The following GALNT13 variants were observed in gnomAD, a reference collection of about 807,000 sequenced individuals.
The protein encoded by GALNT13 is polypeptide N-acetylgalactosaminyltransferase 13, also known as UDP-GalNAc:polypeptide N-acetylgalactosaminyltransferase 13.
In GALNT13, 28 loss-of-function variants were observed where a neutral mutation model predicts 64.2. That is an observed-to-expected ratio of 0.44 (90% confidence interval 0.32 to 0.60). The LOEUF (loss-of-function observed/expected upper bound fraction) is 0.60. GALNT13 is among the 20% of genes least tolerant of loss of function. The probability of loss-of-function intolerance (pLI) is 0.05; values close to 1 mark genes in which losing one functional copy is unlikely to be tolerated. For synonymous variants in GALNT13, 214 were observed against 224.6 expected, an observed-to-expected ratio of 0.95 and a Z score of 0.42; for missense variants, 577 against 669.8, an observed-to-expected ratio of 0.86 and a Z score of 1.53.
the GALNT13 span, among the ~76,000 whole-genome samples, chr2:153,534,228 T>G: frequency 6.6e-6 from 1 of 152,196 alleles, no homozygotes; most frequent in African/African-American, 2.4e-5. Context: ...GTATACCTTG[T>G]ACTTTTTTCT....
intron 8 of GALNT13, among the ~76,000 whole-genome samples, chr2:154,284,012 T>A (rs1692114760): frequency 6.6e-6 from 1 of 152,224 alleles, no homozygotes; most frequent in South Asian, 2.1e-4. Flanking sequence ...ACATAATAAC[T>A]GTGTATATTT....
the GALNT13 span, among the ~76,000 whole-genome samples, chr2:153,629,339 C>T: frequency 2.3e-3 from 344 of 151,618 alleles, 2 homozygotes; most frequent in African/African-American, 7.9e-3. Context: ...TCAGAAATAA[C>T]GCCACATATC....
the GALNT13 span, among the ~76,000 whole-genome samples, chr2:153,529,582 T>C: frequency 6.6e-6 from 1 of 152,012 alleles, no homozygotes; most frequent in African/African-American, 2.4e-5. Flanking sequence ...ATTACCCTGA[T>C]ATCAAAACTA....
chr2:154,041,175 T>C (rs1354747395), intron 3 of GALNT13, among the ~76,000 whole-genome samples: 2 of 140,884 alleles, frequency 1.4e-5, no homozygotes, highest in Non-Finnish European at 3.3e-5. Flanking sequence ...TTCAGTGCCT[T>C]GAAGGCTCAT....
At chr2:153,921,930 A>G (rs141138167) in intron 2 of GALNT13, among the ~76,000 whole-genome samples, 110 of 152,296 alleles carry the variant, frequency 7.2e-4, no homozygotes, top group African/African-American at 2.5e-3. Flanking sequence ...TTAGAAATAT[A>G]ATAAGGATAA....
intron 8 of GALNT13, chr2:154,286,708 G>T: frequency 6.7e-6 from 2 of 300,160 alleles, no homozygotes; most frequent in South Asian, 6.8e-5. Flanking sequence ...TGCCATCTTT[G>T]ACTGATTCTG....
chr2:154,106,066 T>C (rs1702598651), intron 3 of GALNT13, among the ~76,000 whole-genome samples: 1 of 152,188 alleles, frequency 6.6e-6, no homozygotes, highest in South Asian at 2.1e-4. Flanking sequence ...GATCATTCTT[T>C]GTATATTTTG....
chr2:153,904,286 C>T (rs548125505), intron 2 of GALNT13, among the ~76,000 whole-genome samples: 7 of 151,992 alleles, frequency 4.6e-5, no homozygotes, highest in African/African-American at 1.4e-4. Flanking sequence ...CTGCCATAAA[C>T]ATTCTTTTAA....
At chr2:153,398,087 A>G in the GALNT13 span, among the ~76,000 whole-genome samples, 1 of 65,320 alleles carries the variant, frequency 1.5e-5, no homozygotes, top group Non-Finnish European at 2.9e-5. Context: ...CCTACCCCAC[A>G]ACAGTCCCCA....
chr2:153,610,851 G>T, the GALNT13 span, among the ~76,000 whole-genome samples: 1 of 152,016 alleles, frequency 6.6e-6, no homozygotes. Flanking sequence ...AGAAAATTTT[G>T]ATTGCCAAGG....
Position 154,178,930 on chromosome 2 carries a change from C to T in GALNT13, c.311+38425C>T, listed in dbSNP as rs570303070. Among the ~76,000 whole-genome samples, 23 of 152,298 alleles carry T rather than the reference C, an allele frequency of 1.5e-4. No homozygotes were observed. The South Asian group carries it at 4.8e-3, about 32-fold the overall frequency. ...CTTCAGACAGCCTTTCTAAGTTTAT[C>T]TGCAGCCTCAGTCCCAAAGGTGCAT... On this transcript the variant is annotated intron_variant, in intron 4 of 12. Transcript: ENST00000392825.
the GALNT13 span, among the ~76,000 whole-genome samples, chr2:153,745,132 G>A: frequency 6.6e-6 from 1 of 152,108 alleles, no homozygotes; most frequent in Admixed American, 6.6e-5. Context: ...ACAGTGCTTG[G>A]AAGTGAAAGA....
At chr2:153,922,492 G>A (rs1689825278) in intron 2 of GALNT13, among the ~76,000 whole-genome samples, 3 of 152,072 alleles carry the variant, frequency 2.0e-5, no homozygotes, top group Admixed American at 2.0e-4. Context: ...AAAATGTATG[G>A]ACTGTTTCCT....
the GALNT13 span, among the ~76,000 whole-genome samples, chr2:153,262,031 G>A: frequency 6.6e-6 from 1 of 152,122 alleles, no homozygotes; most frequent in Non-Finnish European, 1.5e-5. Flanking sequence ...GGAAACCCCA[G>A]GAGCTTGCTT....
intron 2 of GALNT13, among the ~76,000 whole-genome samples, chr2:153,914,714 T>G (rs1689209312): frequency 6.6e-6 from 1 of 152,164 alleles, no homozygotes; most frequent in South Asian, 2.1e-4. Flanking sequence ...ATTGATATTA[T>G]TCCACCCCCC....
intron 12 of GALNT13, among the ~76,000 whole-genome samples, chr2:154,442,782 C>G (rs1035115820): frequency 4.5e-4 from 69 of 151,928 alleles, no homozygotes; most frequent in African/African-American, 1.6e-3. Flanking sequence ...GTGTGAGAAT[C>G]TAATTTTAGA....
At chr2:154,161,969 G>T (rs1346648505) in intron 4 of GALNT13, among the ~76,000 whole-genome samples, 1 of 152,080 alleles carries the variant, frequency 6.6e-6, no homozygotes, top group Non-Finnish European at 1.5e-5. Context: ...TTTTAGTAGA[G>T]ATGGGGTTTC....
chr2:154,182,400 A>G (rs1191132131), intron 4 of GALNT13, among the ~76,000 whole-genome samples: 2 of 152,118 alleles, frequency 1.3e-5, no homozygotes, highest in African/African-American at 4.8e-5. Flanking sequence ...TCTAAATATC[A>G]TGATCAGATA....
chr2:154,248,102 G>T (rs1191089800), intron 7 of GALNT13, among the ~76,000 whole-genome samples: 1 of 152,030 alleles, frequency 6.6e-6, no homozygotes, highest in Non-Finnish European at 1.5e-5. Flanking sequence ...TGAAATTTTA[G>T]TTTTCTTAGT....
Sources: allele counts gnomAD v4.1 joint callset (sites outside exome capture counted in the v4.1 genomes callset), GRCh38; gene constraint gnomAD v4.1.1; transcripts MANE v1.5; gene names NCBI Gene and HGNC (gene_info 2026-07-23, HGNC 2026-07-21).